The following FMN1 variants were observed in gnomAD, a reference collection of about 807,000 sequenced individuals.
The protein encoded by FMN1 is formin-1.
FMN1 carries 110 observed loss-of-function variants against 132.4 expected under a neutral mutation model. The ratio of observed to expected loss-of-function variants is 0.83; its 90% CI spans 0.71 to 0.97. The LOEUF (loss-of-function observed/expected upper bound fraction) is 0.97, where lower values mean the gene tolerates loss of function less well. Ranked by LOEUF, FMN1 falls within the 50% of genes least tolerant of loss-of-function variation. FMN1 has a pLI of 0.00. For missense variants in FMN1, 1,792 were observed against 1,705.3 expected (o/e 1.05, Z -0.90); for synonymous variants, 722 against 651.7 (o/e 1.11, Z -1.64).
intron 7 of FMN1, among the ~76,000 whole-genome samples, chr15:32,979,202 C>T (rs2032445369): frequency 6.6e-6 from 1 of 152,068 alleles, no homozygotes; most frequent in Non-Finnish European, 1.5e-5. Flanking sequence ...GGCCTCCCTA[C>T]CAGCCAATAC....
At chr15:32,974,883 C>G (rs1337341692) in intron 7 of FMN1, among the ~76,000 whole-genome samples, 1 of 152,190 alleles carries the variant, frequency 6.6e-6, no homozygotes, top group South Asian at 2.1e-4. Context: ...AGGGAATGTT[C>G]CTTCATTGTC....
intron 10 of FMN1, among the ~76,000 whole-genome samples, chr15:32,912,644 G>C (rs1228379493): frequency 6.6e-6 from 1 of 152,098 alleles, no homozygotes; most frequent in Non-Finnish European, 1.5e-5. Context: ...AAGACCTGCA[G>C]AGATCAGTTT....
At chr15:33,002,467 G>A (rs1449874064) in intron 7 of FMN1, among the ~76,000 whole-genome samples, 2 of 152,166 alleles carry the variant, frequency 1.3e-5, no homozygotes, top group Non-Finnish European at 2.9e-5. Flanking sequence ...GTTTTTGTCT[G>A]TTCGTTTTAC....
chr15:32,822,275 G>C (rs1189736292), intron 17 of FMN1, among the ~76,000 whole-genome samples: 1 of 152,218 alleles, frequency 6.6e-6, no homozygotes, highest in East Asian at 1.9e-4. Context: ...CGTGAACCCA[G>C]GAGGTGGAGG....
intron 15 of FMN1, among the ~76,000 whole-genome samples, chr15:32,892,783 G>C (rs1010140202): frequency 6.6e-6 from 1 of 152,042 alleles, no homozygotes; most frequent in Non-Finnish European, 1.5e-5. Flanking sequence ...CCTGATTTAA[G>C]CTAGGAGGAT....
At chr15:33,035,573 A>ACCTCT (rs1333206894) in intron 6 of FMN1, among the ~76,000 whole-genome samples, 2 of 151,166 alleles carry the variant, frequency 1.3e-5, no homozygotes, top group Non-Finnish European at 3.0e-5. Context: ...ACATTCCCTT[A>ACCTCT]CCTCTCCCTC....
At chr15:32,927,072 C>T (rs2060980248) in intron 9 of FMN1, among the ~76,000 whole-genome samples, 1 of 152,132 alleles carries the variant, frequency 6.6e-6, no homozygotes. Context: ...GCTGGGGTTA[C>T]AGGCATTAGT....
Position 32,964,170 on chromosome 15 carries a change from G to A in FMN1, c.3075C>T (p.Asp1025=), listed in dbSNP as rs200340825. 4.3e-6 allele frequency: 7 copies of A among 1,612,916 alleles called. No individual in the cohort carries two copies. Among genetic ancestry groups the A allele is most frequent in the East Asian group, 2.2e-5 (1 of 44,852 alleles). The change falls in exon 9 of 21, where the codon GAC becomes GAT. Residue 1025 remains aspartate (D), a synonymous_variant. Coordinates refer to ENST00000616417, the MANE Select transcript of FMN1 (RefSeq NM_001277313.2). ...GAGGTTTTTTCTTCTGTTGAGTTGT[G>A]TCTTTGGAGAATAAATACTCAAATT... The part of the protein sequence containing the change: ...PSEFEYLFSK[D]TTQQKKKPLS...
rs200243052 is a variant in FMN1, at chr15:33,067,702, A to G, written c.2044-2628T>C. On this transcript the variant is annotated intron_variant, in intron 5 of 20. Transcript: ENST00000616417. ...GAGATGTGGGATTCACGTCTAAACT[A>G]TGGAATGCTTTCAGCACAGCATCTT... 6 of 1,613,950 alleles carry G rather than the reference A, an allele frequency of 3.7e-6. No homozygotes were observed. The African/African-American group carries it at 5.3e-5, about 14-fold the overall frequency.
chr15:33,136,179 G>A (rs145932720), intron 4 of FMN1, among the ~76,000 whole-genome samples: 1 of 152,164 alleles, frequency 6.6e-6, no homozygotes, highest in Non-Finnish European at 1.5e-5. Flanking sequence ...GAGGACACAG[G>A]ATTTAACATC....
intron 7 of FMN1, among the ~76,000 whole-genome samples, chr15:32,975,909 C>T (rs1229674264): frequency 6.6e-6 from 1 of 152,094 alleles, no homozygotes; most frequent in Non-Finnish European, 1.5e-5. Context: ...ATTACCACTG[C>T]TCAGAGATAT....
chr15:33,102,416 A>T (rs143544673), intron 4 of FMN1, among the ~76,000 whole-genome samples: 1 of 152,128 alleles, frequency 6.6e-6, no homozygotes, highest in South Asian at 2.1e-4. Context: ...TATTCTCATA[A>T]AACTAAATTT....
At chr15:32,987,815 G>C (rs1021486557) in intron 7 of FMN1, among the ~76,000 whole-genome samples, 9 of 152,112 alleles carry the variant, frequency 5.9e-5, no homozygotes, top group Non-Finnish European at 1.3e-4. Flanking sequence ...ACACTTAACA[G>C]GCCAGTACTA....
intron 3 of FMN1, among the ~76,000 whole-genome samples, chr15:33,162,401 T>C (rs1469598207): frequency 6.6e-6 from 1 of 151,150 alleles, no homozygotes; most frequent in Non-Finnish European, 1.5e-5. Flanking sequence ...ACCTATAAGG[T>C]ATCAAAGAAC....
chr15:33,086,529 A>G (rs934134536), intron 5 of FMN1, among the ~76,000 whole-genome samples: 4 of 152,202 alleles, frequency 2.6e-5, no homozygotes, highest in African/African-American at 9.6e-5. Flanking sequence ...AAGGAAAACC[A>G]GAAATACACA....
chr15:32,889,212 T>C (rs1361600829), intron 15 of FMN1, among the ~76,000 whole-genome samples: 5 of 152,206 alleles, frequency 3.3e-5, no homozygotes, highest in Non-Finnish European at 7.3e-5. Context: ...CAAGCTCCAC[T>C]GCTATAGCTA....
intron 2 of FMN1, among the ~76,000 whole-genome samples, chr15:33,184,470 T>G (rs1439345909): frequency 6.6e-6 from 1 of 152,076 alleles, no homozygotes; most frequent in Non-Finnish European, 1.5e-5. Context: ...ATAAGTAAAT[T>G]TCTTCCCTTT....
chr15:33,096,573 G>A (rs1244325578), intron 4 of FMN1, among the ~76,000 whole-genome samples: 1 of 151,742 alleles, frequency 6.6e-6, no homozygotes, highest in East Asian at 1.9e-4. Flanking sequence ...TCCAGCACCG[G>A]ATTTATCACT....
In FMN1 at chr15:32,969,258, G is replaced by A. The variant is rs1167528564; in HGVS notation, c.2443C>T (p.Pro815Ser). The change falls in exon 8 of 21, where the codon CCC (proline) becomes TCC (serine). Residue 815 changes from proline to serine, a missense_variant. Transcript: ENST00000616417. ...VQTDRETFLKPCESESKTTRS... is the reference protein window; with the variant it reads ...VQTDRETFLKSCESESKTTRS... The stretch of plus-strand genomic sequence containing the variant: ...GTTGTCTTGCTTTCACTTTCACAGG[G>A]CTTGAGGAAGGTCTCTCTGTCTGTC... 10 of 1,613,944 alleles carry A rather than the reference G, an allele frequency of 6.2e-6. No homozygotes were observed. The highest frequency in any genetic ancestry group is 8.5e-6 in the Non-Finnish European group (10 of 1,179,904).
Sources: gnomAD v4.1 joint callset for allele counts (sites outside exome capture counted in the v4.1 genomes callset) on GRCh38, gnomAD v4.1.1 for gene constraint, MANE v1.5 for transcripts, NCBI Gene and HGNC (gene_info 2026-07-23, HGNC 2026-07-21) for gene names.